SH3BGRL2: variants seen among roughly 807,000 people sequenced by gnomAD.
SH3BGRL2 encodes the protein SH3 domain binding glutamate rich protein like 2.
In SH3BGRL2, 21 loss-of-function variants were observed where a neutral mutation model predicts 14.8. The observed-to-expected ratio is 1.42, with a 90% CI of 1.01 to 2.05. The LOEUF is 2.05. Ranked by LOEUF, SH3BGRL2 falls within the 30% of genes most tolerant of loss-of-function variation. SH3BGRL2 has a pLI of 0.00. For synonymous variants in SH3BGRL2, 50 were observed against 47.8 expected (o/e 1.05, Z -0.19); for missense variants, 147 against 130.8 (o/e 1.12, Z -0.61).
intron 2 of SH3BGRL2, among the ~76,000 whole-genome samples, chr6:79,682,283 C>T (rs1202504161): frequency 6.6e-6 from 1 of 152,062 alleles, no homozygotes; most frequent in Non-Finnish European, 1.5e-5. Context: ...TTATATATTG[C>T]CTCTTTTTAA....
chr6:79,604,799 T>C, the SH3BGRL2 span, among the ~76,000 whole-genome samples: 251 of 152,310 alleles, frequency 1.6e-3, no homozygotes, highest in Non-Finnish European at 2.9e-3. Flanking sequence ...CCCACTACAC[T>C]AGCAGCTGAC....
chr6:79,538,074 A>C, the SH3BGRL2 span, among the ~76,000 whole-genome samples: 1 of 111,074 alleles, frequency 9.0e-6, no homozygotes, highest in South Asian at 3.1e-4. Flanking sequence ...TTTGAGGAGC[A>C]TGTCAGCCTA....
At chr6:79,551,948 G>A in the SH3BGRL2 span, among the ~76,000 whole-genome samples, 9 of 152,226 alleles carry the variant, frequency 5.9e-5, no homozygotes, top group African/African-American at 9.6e-5. Flanking sequence ...AAAATTAGCC[G>A]GGTGTGGTGG....
chr6:79,599,991 C>T, the SH3BGRL2 span, among the ~76,000 whole-genome samples: 1 of 152,124 alleles, frequency 6.6e-6, no homozygotes, highest in African/African-American at 2.4e-5. Context: ...TAAGCTATGT[C>T]GGACTTTCTT....
chr6:79,618,482 C>T, the SH3BGRL2 span, among the ~76,000 whole-genome samples: 14 of 152,126 alleles, frequency 9.2e-5, no homozygotes, highest in African/African-American at 1.4e-4. Context: ...CCGAGGCCGG[C>T]GGATCACGAG....
chr6:79,552,894 G>C, the SH3BGRL2 span: 1 of 152,160 alleles, frequency 6.6e-6, no homozygotes, highest in African/African-American at 2.4e-5. Flanking sequence ...TTCATGTTAA[G>C]TTAGATGGTT....
At chr6:79,619,347 A>G in the SH3BGRL2 span, among the ~76,000 whole-genome samples, 1 of 152,076 alleles carries the variant, frequency 6.6e-6, no homozygotes, top group East Asian at 1.9e-4. Flanking sequence ...CTCACTAACA[A>G]TATTAGCAAT....
chr6:79,600,661 C>T, the SH3BGRL2 span, among the ~76,000 whole-genome samples: 195 of 152,178 alleles, frequency 1.3e-3, no homozygotes, highest in African/African-American at 4.5e-3. Flanking sequence ...AACCAGGCCC[C>T]CACCAGCTCA....
chr6:79,538,937 A>G, the SH3BGRL2 span, among the ~76,000 whole-genome samples: 2 of 152,086 alleles, frequency 1.3e-5, no homozygotes, highest in Non-Finnish European at 2.9e-5. Flanking sequence ...GTAATGCCAG[A>G]GTACAAGCCT....
At chr6:79,675,900 C>G (rs9343926) in intron 2 of SH3BGRL2, among the ~76,000 whole-genome samples, 16,084 of 150,970 alleles carry the variant, frequency 0.11, 1,130 homozygotes, top group East Asian at 0.31. Context: ...GGTGGGCTTT[C>G]CTTATATGTA....
chr6:79,628,240 T>C (rs1768765647), upstream of SH3BGRL2, among the ~76,000 whole-genome samples: 2 of 152,104 alleles, frequency 1.3e-5, no homozygotes, highest in African/African-American at 4.8e-5. Flanking sequence ...TAGTTTCCTT[T>C]GTAACCTTAT....
At chr6:79,601,396 A>G in the SH3BGRL2 span, among the ~76,000 whole-genome samples, 561 of 152,228 alleles carry the variant, frequency 3.7e-3, 7 homozygotes, top group Middle Eastern at 0.017. Context: ...GGGTTTCACC[A>G]TGTTGCCCTG....
chr6:79,703,438 G>C lies in SH3BGRL2; in HGVS notation c.*3929G>C, dbSNP rs996152676. On this transcript the variant is annotated 3_prime_UTR_variant, in exon 4 of 4. Coordinates refer to ENST00000369838, the MANE Select transcript of SH3BGRL2 (RefSeq NM_031469.4). Reference sequence around the variant, plus strand: ...TAATATATATGCTAAAGTATAAAGAGTAATAATAATGACAATAAACAAACC... The same window carrying C: ...TAATATATATGCTAAAGTATAAAGACTAATAATAATGACAATAAACAAACC... 4.6e-5 allele frequency: 7 copies of C among 152,096 alleles called. No homozygotes were observed. The highest frequency in any genetic ancestry group is 1.7e-4 in the African/African-American group (7 of 41,418). 9.4% of individuals were successfully genotyped at this position (152,096 alleles called of 1,614,324 possible). A position where few individuals can be genotyped will look rare whatever the true frequency, so the allele number is the denominator to read the frequency against.
chr6:79,589,208 T>TA, the SH3BGRL2 span, among the ~76,000 whole-genome samples: 4,001 of 79,566 alleles, frequency 0.05, 60 homozygotes, highest in East Asian at 0.11. Flanking sequence ...ATATATATAT[T>TA]TTTTTTTTTT....
chr6:79,671,256 C>T lies in SH3BGRL2; in HGVS notation c.46-2358C>T, dbSNP rs921209595. Among the ~76,000 whole-genome samples, 83 of 152,074 alleles carry T rather than the reference C, an allele frequency of 5.5e-4. 1 individual carries two copies. Among genetic ancestry groups the T allele is most frequent in the Admixed American group, 4.7e-3 (72 of 15,276 alleles). On this transcript the variant is annotated intron_variant, in intron 1 of 3. Transcript: ENST00000369838. ...CCGAGGCAGGCAGATCACCTGAGGT[C>T]GGGAGTTCGAGTTCAGCCTGACCAA...
At chr6:79,658,843 G>A (rs9341785) in intron 1 of SH3BGRL2, among the ~76,000 whole-genome samples, 15,401 of 152,188 alleles carry the variant, frequency 0.1, 1,088 homozygotes, top group East Asian at 0.32. Context: ...TCTAACTGGC[G>A]TGAGATGGTA....
intron 2 of SH3BGRL2, among the ~76,000 whole-genome samples, chr6:79,693,149 C>T (rs1263814458): frequency 1.3e-5 from 2 of 152,096 alleles, no homozygotes; most frequent in East Asian, 3.8e-4. Flanking sequence ...CATGATTTGG[C>T]TCTCTGTTTG....
At chr6:79,558,701 TA>T in the SH3BGRL2 span, among the ~76,000 whole-genome samples, 1,676 of 144,254 alleles carry the variant, frequency 0.012, 35 homozygotes, top group African/African-American at 0.04. Context: ...CCCATCTCTA[TA>T]AAAAAAAAAA....
At chr6:79,612,841 A>G in the SH3BGRL2 span, among the ~76,000 whole-genome samples, 1 of 152,230 alleles carries the variant, frequency 6.6e-6, no homozygotes, top group Non-Finnish European at 1.5e-5. Flanking sequence ...AATGCACAGA[A>G]CCAGACTATG....
Sources: allele counts gnomAD v4.1 joint callset (sites outside exome capture counted in the v4.1 genomes callset), GRCh38; gene constraint gnomAD v4.1.1; transcripts MANE v1.5; gene names NCBI Gene and HGNC (gene_info 2026-07-23, HGNC 2026-07-21).